NCBP3: variants seen among roughly 807,000 people sequenced by gnomAD.
NCBP3 encodes nuclear cap binding subunit 3.
Under a neutral mutation model 75.7 loss-of-function variants are expected in NCBP3, and 20 were observed. That is an observed-to-expected ratio of 0.26 (90% CI 0.19 to 0.38). NCBP3 has a LOEUF of 0.38. NCBP3 is among the 10% of genes least tolerant of loss of function. The pLI, the probability that NCBP3 is intolerant of heterozygous loss-of-function variation, is 1.00. For missense variants in NCBP3, 678 were observed against 796.9 expected (o/e 0.85, Z 1.80); for synonymous variants, 293 against 290.5 (o/e 1.01, Z -0.09).
intron 3 of NCBP3, among the ~76,000 whole-genome samples, chr17:3,839,491 G>A (rs2054029283): frequency 6.6e-6 from 1 of 152,092 alleles, no homozygotes; most frequent in South Asian, 2.1e-4. Context: ...GAGATTACAG[G>A]CGCCAGCCAT....
At position 3,810,060 on chromosome 17, in the gene NCBP3, G is replaced by A. The variant is rs1418605794; in HGVS notation, c.*2984C>T. On this transcript the variant is annotated 3_prime_UTR_variant, in exon 13 of 13. Transcript: ENST00000389005. Reference sequence around the variant, plus strand: ...CTCAGGGTTTCTTTGGGTGATCAAAGTGTTTTAAAATTGATTACGGTGCTG... The same window carrying A: ...CTCAGGGTTTCTTTGGGTGATCAAAATGTTTTAAAATTGATTACGGTGCTG... 6.6e-6 allele frequency: 1 copy of A among 152,206 alleles called. No homozygotes were observed. Among genetic ancestry groups the A allele is most frequent in the African/African-American group, 2.4e-5 (1 of 41,454 alleles). 9.4% of individuals were successfully genotyped at this position (152,206 alleles called of 1,614,324 possible). A position where few individuals can be genotyped will look rare whatever the true frequency, so the allele number is the denominator to read the frequency against.
intron 3 of NCBP3, among the ~76,000 whole-genome samples, chr17:3,837,480 G>A (rs1567594497): frequency 6.9e-6 from 1 of 144,790 alleles, no homozygotes; most frequent in Admixed American, 6.8e-5. Context: ...CTGGGCTACA[G>A]AAAGAGAGGA....
chr17:3,822,498 C>T (rs1357986120), intron 7 of NCBP3: 3 of 153,964 alleles, frequency 1.9e-5, no homozygotes, highest in African/African-American at 7.2e-5. Flanking sequence ...CATATAATTC[C>T]ATATATTTGG....
In NCBP3 at chr17:3,809,453, C is replaced by T. The variant is rs1044737590; in HGVS notation, c.*3591G>A. 2 of 152,228 alleles carry T rather than the reference C, an allele frequency of 1.3e-5. No homozygotes were observed. Among genetic ancestry groups the T allele is most frequent in the African/African-American group, 2.4e-5 (1 of 41,450 alleles). 9.4% of individuals were successfully genotyped at this position (152,228 alleles called of 1,614,324 possible). A position where few individuals can be genotyped will look rare whatever the true frequency, so the allele number is the denominator to read the frequency against. ...AGGTGCAGTGGCTCACACCTGTAAT[C>T]CCAGAACTTTGGGAGGAAGAGGTGG... On this transcript the variant is annotated 3_prime_UTR_variant, in exon 13 of 13. Transcript: ENST00000389005.
intron 2 of NCBP3, among the ~76,000 whole-genome samples, chr17:3,841,969 A>G (rs1282749178): frequency 6.6e-6 from 1 of 152,226 alleles, no homozygotes; most frequent in Non-Finnish European, 1.5e-5. Flanking sequence ...AACTGTAAAC[A>G]TTAAAATCAG....
Position 3,829,268 on chromosome 17 carries a change from G to A in NCBP3, c.456C>T (p.His152=). Residue 152 remains histidine, a synonymous_variant, in exon 4 of 13, where the codon CAC becomes CAT. Coordinates refer to ENST00000389005, the MANE Select transcript of NCBP3 (RefSeq NM_001114118.3). Reference sequence around the variant, plus strand: ...AGGAGGTATCATCCAACCATTCGATGTGAGCTGGAGGATATTCTTTAAAAT... The same window carrying A: ...AGGAGGTATCATCCAACCATTCGATATGAGCTGGAGGATATTCTTTAAAAT... ...FSYFKEYPPA[H]IEWLDDTSCN... is the part of the protein sequence containing the mutation. The A allele has an allele frequency of 6.4e-7, 1 of 1,551,636 alleles. No homozygotes were observed.
At chr17:3,844,929 G>A (rs558458014) in intron 1 of NCBP3, among the ~76,000 whole-genome samples, 1 of 152,212 alleles carries the variant, frequency 6.6e-6, no homozygotes, top group African/African-American at 2.4e-5. Flanking sequence ...AGCGAACTCC[G>A]TCTCAAAACA....
intron 3 of NCBP3, among the ~76,000 whole-genome samples, chr17:3,832,809 C>A (rs1196823110): frequency 1.3e-5 from 2 of 152,008 alleles, no homozygotes; most frequent in East Asian, 3.8e-4. Context: ...CAAAAAAATG[C>A]ATTTAATAAT....
At chr17:3,844,317 T>C (rs2054119852) in intron 1 of NCBP3, among the ~76,000 whole-genome samples, 1 of 152,238 alleles carries the variant, frequency 6.6e-6, no homozygotes, top group Non-Finnish European at 1.5e-5. Context: ...CTGTGGTATC[T>C]ACCTGCCTTC....
intron 3 of NCBP3, among the ~76,000 whole-genome samples, chr17:3,833,422 CTTT>C (rs1857184038): frequency 6.6e-6 from 1 of 152,118 alleles, no homozygotes; most frequent in South Asian, 2.1e-4. Context: ...GCATCTCTCT[CTTT>C]TTTTGTTCTT....
At chr17:3,835,445 A>G (rs2053957110) in intron 3 of NCBP3, among the ~76,000 whole-genome samples, 1 of 152,246 alleles carries the variant, frequency 6.6e-6, no homozygotes, top group Non-Finnish European at 1.5e-5. Context: ...GCGTTTAGAG[A>G]AGGGAGACCA....
At chr17:3,820,570 C>G (rs1209568870) in intron 9 of NCBP3, among the ~76,000 whole-genome samples, 1 of 152,204 alleles carries the variant, frequency 6.6e-6, no homozygotes, top group Non-Finnish European at 1.5e-5. Flanking sequence ...ACAAAGCACT[C>G]AACACAGCAG....
chr17:3,812,887 C>T lies in NCBP3; in HGVS notation c.*157G>A. On this transcript the variant is annotated 3_prime_UTR_variant, in exon 13 of 13. Transcript: ENST00000389005. Reference sequence around the variant, plus strand: ...TAGAGATGCCCTTGAAAATGTGTCACATTCTTAAGATGTCTTGCCGAAGTA... The same window carrying T: ...TAGAGATGCCCTTGAAAATGTGTCATATTCTTAAGATGTCTTGCCGAAGTA... The T allele has an allele frequency of 6.9e-7, 1 of 1,446,276 alleles. No homozygotes were observed. Among genetic ancestry groups the T allele is most frequent in the Non-Finnish European group, 9.1e-7 (1 of 1,103,552 alleles). 89.6% of individuals were successfully genotyped at this position (1,446,276 alleles called of 1,614,324 possible).
intron 8 of NCBP3, 96 bp from the exon 9 acceptor site, chr17:3,821,448 A>C: frequency 1.1e-6 from 1 of 935,320 alleles, no homozygotes; most frequent in Middle Eastern, 2.2e-4. Flanking sequence ...TTTGTGATGG[A>C]GTCTCAATCT....
chr17:3,833,088 C>T (rs2053913347), intron 3 of NCBP3, among the ~76,000 whole-genome samples: 1 of 151,650 alleles, frequency 6.6e-6, no homozygotes, highest in African/African-American at 2.4e-5. Flanking sequence ...CCCATCTCTA[C>T]AAAAAATTTT....
chr17:3,838,267 G>C (rs1290681486), intron 3 of NCBP3, among the ~76,000 whole-genome samples: 1 of 152,228 alleles, frequency 6.6e-6, no homozygotes, highest in African/African-American at 2.4e-5. Context: ...TGCACAGAAT[G>C]AAAGGCATGA....
chr17:3,825,680 C>T (rs758582471), intron 6 of NCBP3, 87 bp downstream of exon 6: 11 of 951,508 alleles, frequency 1.2e-5, no homozygotes, highest in Admixed American at 2.2e-5. Context: ...AGAGAAAAAA[C>T]GTAACTAAGT....
In NCBP3 at chr17:3,809,332, G is replaced by C. The variant is rs1174567827; in HGVS notation, c.*3712C>G. 3.3e-5 allele frequency: 5 copies of C among 152,052 alleles called. No homozygotes were observed. Among genetic ancestry groups the C allele is most frequent in the Non-Finnish European group, 5.9e-5 (4 of 68,028 alleles). The allele number at this position is 152,052 out of a possible 1,614,324, so 9.4% of individuals were successfully genotyped here. On this transcript the variant is annotated 3_prime_UTR_variant, in exon 13 of 13. Coordinates refer to ENST00000389005, the MANE Select transcript of NCBP3 (RefSeq NM_001114118.3). ...TATGACTCAGCAATTCCACTCCTAG[G>C]TATATACCCAAGAGTCATGAAAATA...
chr17:3,843,446 C>T (rs2054102870), intron 1 of NCBP3, among the ~76,000 whole-genome samples: 1 of 152,104 alleles, frequency 6.6e-6, no homozygotes, highest in Non-Finnish European at 1.5e-5. Context: ...GTTGCCCAGG[C>T]TGGTCACCAA....
Sources: allele counts gnomAD v4.1 joint callset (sites outside exome capture counted in the v4.1 genomes callset), GRCh38; gene constraint gnomAD v4.1.1; transcripts MANE v1.5; gene names NCBI Gene and HGNC (gene_info 2026-07-23, HGNC 2026-07-21).